TANGO6: variants seen among roughly 807,000 people sequenced by gnomAD.
The protein encoded by TANGO6 is transport and Golgi organization protein 6 homolog.
A neutral mutation model predicts 114.2 loss-of-function variants in TANGO6; 90 were observed. The observed-to-expected ratio is 0.79, with a 90% CI of 0.66 to 0.94. The LOEUF is 0.94. Ranked by LOEUF, TANGO6 falls within the 40% of genes least tolerant of loss-of-function variation. The pLI, the probability that TANGO6 is intolerant of heterozygous loss-of-function variation, is 0.00. For synonymous variants in TANGO6, 477 were observed against 509.8 expected (o/e 0.94, Z 0.87); for missense variants, 1,274 against 1,315.3 (o/e 0.97, Z 0.49).
At chr16:69,059,485 C>T (rs1397756269) in intron 17 of TANGO6, among the ~76,000 whole-genome samples, 6 of 151,606 alleles carry the variant, frequency 4.0e-5, no homozygotes, top group Non-Finnish European at 7.4e-5. Flanking sequence ...GGATTAAAGG[C>T]GTGAGCCACC....
intron 15 of TANGO6, 125 bp from the exon 16 acceptor site, chr16:69,022,703 C>CA (rs113972965): frequency 0.36 from 341,137 of 951,320 alleles, 37,082 homozygotes; most frequent in East Asian, 0.43. Context: ...GACCCTGTCT[C>CA]AAAAAAAAAA....
chr16:68,847,295 A>G (rs955410428), intron 1 of TANGO6, among the ~76,000 whole-genome samples: 1 of 152,188 alleles, frequency 6.6e-6, no homozygotes, highest in Non-Finnish European at 1.5e-5. Context: ...ATGACCTAGT[A>G]TTATTATGAA....
intron 16 of TANGO6, among the ~76,000 whole-genome samples, chr16:69,033,349 TCTC>T: frequency 6.6e-6 from 1 of 152,220 alleles, no homozygotes; most frequent in Non-Finnish European, 1.5e-5. Context: ...CAGAAGGAAT[TCTC>T]CTTCGTGAGC....
At chr16:68,902,619 T>C in intron 9 of TANGO6, 115 bp downstream of exon 9, 1 of 934,568 alleles carries the variant, frequency 1.1e-6, no homozygotes, top group South Asian at 2.2e-5. Context: ...CTCAAGTGGC[T>C]CAGGTGCCTG....
At chr16:69,041,942 G>A (rs1436912993) in intron 17 of TANGO6, among the ~76,000 whole-genome samples, 1 of 152,078 alleles carries the variant, frequency 6.6e-6, no homozygotes, top group Non-Finnish European at 1.5e-5. Context: ...CTGCAGCTCT[G>A]GCCATTGTGA....
chr16:68,863,707 A>C (rs780753407), intron 3 of TANGO6, among the ~76,000 whole-genome samples: 62 of 152,210 alleles, frequency 4.1e-4, no homozygotes, highest in Admixed American at 1.2e-3. Context: ...GTTTGACAAA[A>C]CATTCTTTTA....
At chr16:69,024,593 G>A (rs539750538) in intron 16 of TANGO6, among the ~76,000 whole-genome samples, 1 of 151,962 alleles carries the variant, frequency 6.6e-6, no homozygotes, top group East Asian at 1.9e-4. Flanking sequence ...TTGTACCTTT[G>A]CCTTGTATTT....
At chr16:68,905,849 G>A (rs1962843134) in intron 9 of TANGO6, among the ~76,000 whole-genome samples, 1 of 152,038 alleles carries the variant, frequency 6.6e-6, no homozygotes, top group South Asian at 2.1e-4. Context: ...CTCCAGCCTA[G>A]GCAATGAGTG....
intron 11 of TANGO6, among the ~76,000 whole-genome samples, chr16:68,912,459 TC>T (rs2152187554): frequency 6.6e-6 from 1 of 150,430 alleles, no homozygotes; most frequent in African/African-American, 2.4e-5. Flanking sequence ...CATGGTGAAA[TC>T]CCATCTCTAC....
At chr16:69,008,818 T>C (rs1964119508) in intron 15 of TANGO6, among the ~76,000 whole-genome samples, 1 of 151,804 alleles carries the variant, frequency 6.6e-6, no homozygotes, top group African/African-American at 2.4e-5. Context: ...AATTCTTGTA[T>C]ATTTAATAGA....
At chr16:68,876,381 G>A (rs972931951) in intron 5 of TANGO6, among the ~76,000 whole-genome samples, 2 of 151,932 alleles carry the variant, frequency 1.3e-5, no homozygotes, top group Admixed American at 6.6e-5. Flanking sequence ...GGCTGGTCTC[G>A]AACTCCTGAC....
chr16:68,917,625 A>G (rs1211118296), intron 11 of TANGO6, among the ~76,000 whole-genome samples: 1 of 152,204 alleles, frequency 6.6e-6, no homozygotes, highest in Non-Finnish European at 1.5e-5. Context: ...GTGTAACAGT[A>G]TATCACCAGT....
chr16:68,950,704 C>G (rs1411479782), intron 14 of TANGO6, among the ~76,000 whole-genome samples: 3 of 149,686 alleles, frequency 2.0e-5, no homozygotes, highest in Non-Finnish European at 4.4e-5. Flanking sequence ...ACTAAAAGTA[C>G]TAAAATTAGC....
chr16:69,018,071 T>G (rs1220521154), intron 15 of TANGO6, among the ~76,000 whole-genome samples: 1 of 151,030 alleles, frequency 6.6e-6, no homozygotes, highest in Non-Finnish European at 1.5e-5. Context: ...CTTGGCTAAT[T>G]TTTGTATTTT....
Position 68,860,073 on chromosome 16 carries a change from C to A in TANGO6, c.284C>A (p.Thr95Asn). The A allele has an allele frequency of 6.2e-7, 1 of 1,614,018 alleles. No homozygotes were observed. Among genetic ancestry groups the A allele is most frequent in the Non-Finnish European group, 8.5e-7 (1 of 1,179,908 alleles). Residue 95 changes from threonine (T) to asparagine (N), a missense_variant, in exon 2 of 18, where the codon ACC (threonine) becomes AAC (asparagine). Thr to Asn is a moderately conservative substitution (Grantham distance 65). Coordinates refer to ENST00000261778, the MANE Select transcript of TANGO6 (RefSeq NM_024562.2). Reference sequence around the variant, plus strand: ...TCTGTGGATGTCACTTGGAGTTTTACCTCTCAAACCTTGTTGTTGCTTTTG... The same window carrying A: ...TCTGTGGATGTCACTTGGAGTTTTAACTCTCAAACCTTGTTGTTGCTTTTG... ...QNSVDVTWSF[T>N]SQTLLLLLCL...
rs1459396944 is a variant in TANGO6 at position 68,843,553 on chromosome 16, A to G, written c.-65A>G. The G allele has an allele frequency of 6.0e-6, 9 of 1,511,258 alleles. No homozygotes were observed. Among genetic ancestry groups the G allele is most frequent in the African/African-American group, 4.2e-5 (3 of 72,146 alleles). The allele number at this position is 1,511,258 out of a possible 1,614,324, so 93.6% of individuals were successfully genotyped here. On this transcript the variant is annotated 5_prime_UTR_variant, in exon 1 of 18. The change abolishes an upstream ATG in the 5' untranslated region. Coordinates refer to ENST00000261778, the MANE Select transcript of TANGO6 (RefSeq NM_024562.2). ...CCCAGAGCCTTCTGCCACACTTAACATGGCGGCGGCGGCGCCCTGCCGAGG... is the reference window on the plus strand; with the variant it reads ...CCCAGAGCCTTCTGCCACACTTAACGTGGCGGCGGCGGCGCCCTGCCGAGG...
chr16:68,957,529 C>A (rs145396867), intron 14 of TANGO6, among the ~76,000 whole-genome samples: 3,154 of 151,824 alleles, frequency 0.021, 48 homozygotes, highest in Non-Finnish European at 0.034. Context: ...TCCTGAATAG[C>A]TGGGATTACA....
At chr16:69,019,469 T>C (rs1248291024) in intron 15 of TANGO6, among the ~76,000 whole-genome samples, 1 of 152,158 alleles carries the variant, frequency 6.6e-6, no homozygotes, top group Non-Finnish European at 1.5e-5. Flanking sequence ...TTTCTTATAC[T>C]GTATGGAAGG....
chr16:69,083,414 G>C, intron 17 of TANGO6, 71 bp from the exon 18 acceptor site: 3 of 1,500,588 alleles, frequency 2.0e-6, no homozygotes, highest in Admixed American at 2.1e-5. Context: ...GGCAGGAGGA[G>C]AGGGCAGTTC....
Sources: allele counts gnomAD v4.1 joint callset (sites outside exome capture counted in the v4.1 genomes callset), GRCh38; gene constraint gnomAD v4.1.1; transcripts MANE v1.5; gene names NCBI Gene and HGNC (gene_info 2026-07-23, HGNC 2026-07-21).